The following ARNT2 variants were observed in gnomAD, a reference collection of about 807,000 sequenced individuals.
ARNT2 encodes ARNT protein 2.
ARNT2 carries 36 observed loss-of-function variants against 91.7 expected under a neutral mutation model. The observed-to-expected ratio is 0.39, with a 90% CI of 0.30 to 0.52. ARNT2 has a LOEUF of 0.52. Among genes scored for constraint, ARNT2 ranks in the 20% least tolerant of loss-of-function variants. The pLI, the probability that ARNT2 is intolerant of heterozygous loss-of-function variation, is 0.72. For missense variants in ARNT2, 775 were observed against 939.3 expected (o/e 0.83, Z 2.29); for synonymous variants, 365 against 347.1 (o/e 1.05, Z -0.57).
intron 17 of ARNT2, among the ~76,000 whole-genome samples, chr15:80,585,091 C>T (rs140908264): frequency 3.3e-5 from 5 of 152,322 alleles, no homozygotes; most frequent in East Asian, 1.9e-4. Flanking sequence ...TTTTGTTCAA[C>T]GAGCTTTCAG....
chr15:80,590,815 T>G (rs79667276), intron 17 of ARNT2, among the ~76,000 whole-genome samples: 8,582 of 152,296 alleles, frequency 0.056, 332 homozygotes, highest in South Asian at 0.1. Context: ...TTGTATAAAC[T>G]GTAGACAGAA....
intron 1 of ARNT2, among the ~76,000 whole-genome samples, chr15:80,429,925 C>A (rs987572323): frequency 3.9e-5 from 6 of 152,306 alleles, no homozygotes; most frequent in Non-Finnish European, 7.4e-5. Flanking sequence ...GCACCCCCAC[C>A]AGGTACCTCT....
At chr15:80,482,143 T>G (rs548679150) in intron 5 of ARNT2, among the ~76,000 whole-genome samples, 1 of 152,312 alleles carries the variant, frequency 6.6e-6, no homozygotes, top group African/African-American at 2.4e-5. Flanking sequence ...CTCCTGGACT[T>G]AAACAGTCCT....
chr15:80,510,942 T>G (rs541581954), intron 6 of ARNT2, among the ~76,000 whole-genome samples: 8 of 152,278 alleles, frequency 5.3e-5, no homozygotes, highest in African/African-American at 1.9e-4. Context: ...TGTAAATTAG[T>G]TCAGCCATTG....
intron 5 of ARNT2, among the ~76,000 whole-genome samples, chr15:80,490,972 G>T (rs1464895666): frequency 6.6e-6 from 1 of 152,212 alleles, no homozygotes; most frequent in Non-Finnish European, 1.5e-5. Context: ...GTTAGAGGTG[G>T]TGGGGAGAGT....
intron 1 of ARNT2, among the ~76,000 whole-genome samples, chr15:80,429,199 T>A (rs2141567409): frequency 6.6e-6 from 1 of 152,300 alleles, no homozygotes; most frequent in African/African-American, 2.4e-5. Context: ...ATTAATGAGA[T>A]GACCTGTGGC....
At position 80,595,889 on chromosome 15, in the gene ARNT2, A is replaced by C. The variant is rs1356966327; in HGVS notation, c.*2191A>C. 1.3e-5 allele frequency: 2 copies of C among 152,216 alleles called. No individual in the cohort carries two copies. Among genetic ancestry groups the C allele is most frequent in the Non-Finnish European group, 2.9e-5 (2 of 68,034 alleles). 9.4% of individuals were successfully genotyped at this position (152,216 alleles called of 1,614,324 possible). A position where few individuals can be genotyped will look rare whatever the true frequency, so the allele number is the denominator to read the frequency against. On this transcript the variant is annotated 3_prime_UTR_variant, in exon 19 of 19. Transcript: ENST00000303329. ...GCCTTGGGCATAATTATTTCCCCCC[A>C]AAAAAGGCACAAAAATAGGTTTTGG...
intron 1 of ARNT2, among the ~76,000 whole-genome samples, chr15:80,440,772 G>A (rs1462747598): frequency 2.0e-5 from 3 of 152,210 alleles, no homozygotes; most frequent in Non-Finnish European, 4.4e-5. Context: ...GCTTTCCCAG[G>A]TCCAGTGGCC....
chr15:80,554,607 G>T (rs896627927), intron 10 of ARNT2: 6 of 162,450 alleles, frequency 3.7e-5, no homozygotes, highest in East Asian at 1.7e-4. Flanking sequence ...TAGTAAACAG[G>T]CTTTTAACAA....
At position 80,505,924 on chromosome 15, in the gene ARNT2, G is replaced by GTTTTTTTTTTTTTTTTTTTTTTTTTTT. The variant is rs1486880107; in HGVS notation, c.623-2230_623-2229insTTTTTTTTTTTTTTTTTTTTTTTTTTT. Among the ~76,000 whole-genome samples the GTTTTTTTTTTTTTTTTTTTTTTTTTTT allele has an allele frequency of 1.7e-4, 12 of 71,198 alleles. 2 individuals carry two copies. Among genetic ancestry groups the GTTTTTTTTTTTTTTTTTTTTTTTTTTT allele is most frequent in the African/African-American group, 7.2e-4 (11 of 15,248 alleles). 46.7% of individuals were successfully genotyped at this position (71,198 alleles called of 152,430 possible). A position where few individuals can be genotyped will look rare whatever the true frequency, so the allele number is the denominator to read the frequency against. On this transcript the variant is annotated intron_variant, in intron 5 of 18. Coordinates refer to ENST00000303329, the MANE Select transcript of ARNT2 (RefSeq NM_014862.4). ...AAAGAAAAAATGATTCCCAACATTT[G>GTTTTTTTTTTTTTTTTTTTTTTTTTTT]TTGTTTTTTTTTTTTTTTTTTTTGA... is the stretch of plus-strand genomic sequence containing the variant.
chr15:80,412,583 T>A (rs1196165640), intron 1 of ARNT2, among the ~76,000 whole-genome samples: 4 of 152,202 alleles, frequency 2.6e-5, no homozygotes, highest in Non-Finnish European at 5.9e-5. Flanking sequence ...TCATTAATGG[T>A]ATATCCTATC....
intron 6 of ARNT2, 28 bp downstream of exon 6, chr15:80,508,286 C>G (rs777968328): frequency 1.9e-6 from 3 of 1,611,046 alleles, no homozygotes; most frequent in African/African-American, 2.7e-5. Context: ...AGCAGGCCAT[C>G]AGGTGGTTGG....
chr15:80,569,368 C>T (rs1249753084), intron 12 of ARNT2, among the ~76,000 whole-genome samples: 2 of 152,238 alleles, frequency 1.3e-5, no homozygotes, highest in East Asian at 3.8e-4. Flanking sequence ...CTCGCATGTG[C>T]TGTCAGTCAG....
intron 1 of ARNT2, among the ~76,000 whole-genome samples, chr15:80,431,916 A>G (rs1896017302): frequency 6.6e-6 from 1 of 151,618 alleles, no homozygotes; most frequent in African/African-American, 2.4e-5. Flanking sequence ...CAGCTGAAGT[A>G]GCTCTCTGAA....
intron 1 of ARNT2, among the ~76,000 whole-genome samples, chr15:80,411,056 C>T (rs142881529): frequency 1.3e-5 from 2 of 152,304 alleles, no homozygotes; most frequent in African/African-American, 4.8e-5. Context: ...ACCCTTACCC[C>T]CTCCTCACTC....
intron 8 of ARNT2, among the ~76,000 whole-genome samples, chr15:80,529,422 C>T (rs931707816): frequency 6.6e-6 from 1 of 152,130 alleles, no homozygotes; most frequent in African/African-American, 2.4e-5. Flanking sequence ...CCCTGAAATG[C>T]AAAGTACCTA....
chr15:80,563,014 C>A, intron 11 of ARNT2, 74 bp from the exon 12 acceptor site: 1 of 1,556,926 alleles, frequency 6.4e-7, no homozygotes, highest in South Asian at 1.1e-5. Context: ...AACCCCACTG[C>A]CTGCAGCTTC....
At chr15:80,494,742 T>C (rs1897102732) in intron 5 of ARNT2, among the ~76,000 whole-genome samples, 1 of 152,110 alleles carries the variant, frequency 6.6e-6, no homozygotes, top group Admixed American at 6.5e-5. Context: ...GAGAGCCCAG[T>C]TGTCGAGGTG....
At chr15:80,412,734 T>A (rs540124615) in intron 1 of ARNT2, among the ~76,000 whole-genome samples, 2 of 152,242 alleles carry the variant, frequency 1.3e-5, no homozygotes, top group African/African-American at 4.8e-5. Context: ...GTATTGAACA[T>A]CCCCGTATAT....
Sources: gnomAD v4.1 joint callset for allele counts (sites outside exome capture counted in the v4.1 genomes callset) on GRCh38, gnomAD v4.1.1 for gene constraint, MANE v1.5 for transcripts, NCBI Gene and HGNC (gene_info 2026-07-23, HGNC 2026-07-21) for gene names.